The following SCAMP1 variants were observed in gnomAD, a reference collection of about 807,000 sequenced individuals.
The protein encoded by SCAMP1 is secretory carrier-associated membrane protein 1.
SCAMP1 carries 15 observed loss-of-function variants against 41.8 expected under a neutral mutation model. That is an observed-to-expected ratio of 0.36 (90% CI 0.24 to 0.55). The LOEUF is 0.55. Among genes scored for constraint, SCAMP1 ranks in the 20% least tolerant of loss-of-function variants. The pLI, the probability that SCAMP1 is intolerant of heterozygous loss-of-function variation, is 0.86. For missense variants in SCAMP1, 341 were observed against 412.6 expected (o/e 0.83, Z 1.50); for synonymous variants, 135 against 136.8 (o/e 0.99, Z 0.09).
chr5:78,396,114 C>T (rs1236886151), intron 2 of SCAMP1, among the ~76,000 whole-genome samples: 2 of 152,124 alleles, frequency 1.3e-5, no homozygotes, highest in African/African-American at 4.8e-5. Context: ...CCTCCCTATC[C>T]TTGAAACATA....
At chr5:78,437,158 A>G (rs1364561430) in intron 6 of SCAMP1, among the ~76,000 whole-genome samples, 1 of 152,190 alleles carries the variant, frequency 6.6e-6, no homozygotes, top group African/African-American at 2.4e-5. Context: ...CAATCATGTC[A>G]TCTGCAAAAT....
At chr5:78,442,777 A>G (rs1487284624) in intron 6 of SCAMP1, among the ~76,000 whole-genome samples, 1 of 152,226 alleles carries the variant, frequency 6.6e-6, no homozygotes, top group Non-Finnish European at 1.5e-5. Context: ...ATTCTCCTAT[A>G]TATAAGAAAC....
Position 78,363,295 on chromosome 5 carries a change from C to T in SCAMP1, c.57+2567C>T, listed in dbSNP as rs550499949. ...TGGCGCGATCTCTGCTCACTGCAAG[C>T]GCTGCCTCCTGGGTTCACACCATTC... On this transcript the variant is annotated intron_variant, in intron 1 of 8. Coordinates refer to ENST00000621999, the MANE Select transcript of SCAMP1 (RefSeq NM_004866.6). Among the ~76,000 whole-genome samples, 424 of 151,964 alleles carry T rather than the reference C, an allele frequency of 2.8e-3. 1 individual carries two copies. Among genetic ancestry groups the T allele is most frequent in the Middle Eastern group, 6.8e-3 (2 of 292 alleles).
intron 6 of SCAMP1, among the ~76,000 whole-genome samples, chr5:78,433,396 T>G (rs11744479): frequency 0.82 from 124,260 of 152,090 alleles, 51,406 homozygotes; most frequent in East Asian, 0.92. Flanking sequence ...GGATAGCAAA[T>G]CCCATCCTCC....
rs1255591639 is a variant in SCAMP1 at position 78,477,644 on chromosome 5, T to C, written c.*1976T>C. 6.6e-6 allele frequency: 1 copy of C among 152,182 alleles called. No homozygotes were observed. Among genetic ancestry groups the C allele is most frequent in the Non-Finnish European group, 1.5e-5 (1 of 67,982 alleles). The allele number at this position is 152,182 out of a possible 1,614,324, so 9.4% of individuals were successfully genotyped here. On this transcript the variant is annotated 3_prime_UTR_variant, in exon 9 of 9. Transcript: ENST00000621999. ...CTTCAGAATTGGAATGTTTATATTA[T>C]GTAGAAATCTTCAAAGGTAGCATTA...
chr5:78,405,238 C>T (rs1261208104), intron 2 of SCAMP1, among the ~76,000 whole-genome samples: 1 of 152,158 alleles, frequency 6.6e-6, no homozygotes, highest in Non-Finnish European at 1.5e-5. Context: ...CCTTTACTTG[C>T]TTTAATTTTT....
intron 7 of SCAMP1, among the ~76,000 whole-genome samples, chr5:78,454,715 A>C (rs931896806): frequency 2.0e-5 from 3 of 152,178 alleles, no homozygotes; most frequent in South Asian, 2.1e-4. Flanking sequence ...CTTAGGGAGG[A>C]TTCCCTCTTT....
At chr5:78,451,507 G>A (rs751777057) in intron 7 of SCAMP1, among the ~76,000 whole-genome samples, 9 of 152,092 alleles carry the variant, frequency 5.9e-5, no homozygotes, top group Non-Finnish European at 1.2e-4. Context: ...AATCACTAAT[G>A]TGTTCTTCAT....
chr5:78,412,264 C>CT (rs1204447612), intron 2 of SCAMP1, among the ~76,000 whole-genome samples: 2 of 151,860 alleles, frequency 1.3e-5, no homozygotes, highest in African/African-American at 4.8e-5. Context: ...ATTATGATTT[C>CT]TTTCCCCTCA....
chr5:78,437,439 T>C (rs1432975571), intron 6 of SCAMP1, among the ~76,000 whole-genome samples: 1 of 152,386 alleles, frequency 6.6e-6, no homozygotes, highest in East Asian at 1.9e-4. Flanking sequence ...TTGAATTTTG[T>C]CAAAGGCCTT....
At chr5:78,471,593 A>G (rs544696696) in intron 8 of SCAMP1, among the ~76,000 whole-genome samples, 4 of 152,288 alleles carry the variant, frequency 2.6e-5, no homozygotes, top group South Asian at 2.1e-4. Flanking sequence ...TAATGAAGAC[A>G]TATGTTTGGG....
chr5:78,390,647 AT>A (rs906380654), intron 2 of SCAMP1, among the ~76,000 whole-genome samples: 24 of 148,728 alleles, frequency 1.6e-4, no homozygotes, highest in African/African-American at 4.2e-4. Context: ...ATGAAAAGAG[AT>A]TTTTTTTTCT....
intron 5 of SCAMP1, among the ~76,000 whole-genome samples, chr5:78,420,716 C>T (rs1752320255): frequency 1.3e-5 from 2 of 151,470 alleles, no homozygotes; most frequent in South Asian, 2.1e-4. Flanking sequence ...TAAAAAAAAA[C>T]AAAAAACAAA....
At chr5:78,381,350 G>A (rs978703198) in intron 1 of SCAMP1, among the ~76,000 whole-genome samples, 10 of 152,170 alleles carry the variant, frequency 6.6e-5, no homozygotes, top group Admixed American at 2.6e-4. Flanking sequence ...AGGAAGCAAC[G>A]CAAAGGAAGA....
intron 2 of SCAMP1, among the ~76,000 whole-genome samples, chr5:78,391,443 TG>T (rs1272421892): frequency 7.3e-5 from 11 of 150,814 alleles, no homozygotes; most frequent in Non-Finnish European, 1.5e-4. Flanking sequence ...ACAGGGCGGC[TG>T]GCCTGGCGGG....
At chr5:78,386,541 A>G (rs1177255449) in intron 1 of SCAMP1, among the ~76,000 whole-genome samples, 1 of 145,526 alleles carries the variant, frequency 6.9e-6, no homozygotes, top group Admixed American at 6.8e-5. Context: ...TTTTCATTGT[A>G]TTGTTTTATA....
chr5:78,426,539 GTGA>G (rs539689933), intron 6 of SCAMP1, among the ~76,000 whole-genome samples: 1 of 152,152 alleles, frequency 6.6e-6, no homozygotes, highest in Non-Finnish European at 1.5e-5. Context: ...CTAATGACCA[GTGA>G]TGATGAGCTT....
Position 78,476,060 on chromosome 5 carries a change from G to A in SCAMP1, c.*392G>A, listed in dbSNP as rs982434264. 2.6e-5 allele frequency: 4 copies of A among 152,922 alleles called. No individual in the cohort carries two copies. The highest frequency in any genetic ancestry group is 9.7e-5 in the African/African-American group (4 of 41,428). 9.5% of individuals were successfully genotyped at this position (152,922 alleles called of 1,614,324 possible). A position where few individuals can be genotyped will look rare whatever the true frequency, so the allele number is the denominator to read the frequency against. ...ATTGCACATTGGAAAAGTAAACCAT[G>A]TTTCATTCCTTTTTCCCTATTTATA... On this transcript the variant is annotated 3_prime_UTR_variant, in exon 9 of 9. Transcript: ENST00000621999.
chr5:78,456,417 A>C (rs1463923777), intron 7 of SCAMP1, among the ~76,000 whole-genome samples: 2 of 151,892 alleles, frequency 1.3e-5, no homozygotes, highest in African/African-American at 2.4e-5. Context: ...TTGTTTGTAA[A>C]GTATTTTATT....
Sources: gnomAD v4.1 joint callset for allele counts (sites outside exome capture counted in the v4.1 genomes callset) on GRCh38, gnomAD v4.1.1 for gene constraint, MANE v1.5 for transcripts, NCBI Gene and HGNC (gene_info 2026-07-23, HGNC 2026-07-21) for gene names.